The following SMG5 variants were observed in gnomAD, a reference collection of about 807,000 sequenced individuals.
SMG5 encodes SMG5 nonsense mediated mRNA decay factor.
Under a neutral mutation model 122.9 loss-of-function variants are expected in SMG5, and 53 were observed. That is an observed-to-expected ratio of 0.43 (90% CI 0.35 to 0.54). SMG5 has a LOEUF of 0.54. Among genes scored for constraint, SMG5 ranks in the 20% least tolerant of loss-of-function variants. The pLI, the probability that SMG5 is intolerant of heterozygous loss-of-function variation, is 0.01. For synonymous variants in SMG5, 477 were observed against 490.2 expected (o/e 0.97, Z 0.35); for missense variants, 1,153 against 1,285.6 (o/e 0.90, Z 1.58).
At chr1:156,256,080 T>C (rs1203199524) in intron 16 of SMG5, among the ~76,000 whole-genome samples, 3 of 152,086 alleles carry the variant, frequency 2.0e-5, no homozygotes, top group African/African-American at 4.8e-5. Context: ...CAGTCAAACA[T>C]ACTGTGGGTC....
At chr1:156,256,709 G>A (rs1661592781) in intron 16 of SMG5, among the ~76,000 whole-genome samples, 1 of 151,966 alleles carries the variant, frequency 6.6e-6, no homozygotes, top group Admixed American at 6.6e-5. Context: ...TCCTCAGAGG[G>A]AAAGCCTACC....
chr1:156,258,869 G>C lies in SMG5; in HGVS notation c.2442+136C>G, dbSNP rs777543369. On this transcript the variant is annotated intron_variant, in intron 16 of 21. Transcript: ENST00000361813. Reference sequence around the variant, plus strand: ...TAGTCCTTCCCAGGCCTCCCTCCCAGCCTCCCCTCCCCTCTCCCTAGGCAT... The same window carrying C: ...TAGTCCTTCCCAGGCCTCCCTCCCACCCTCCCCTCCCCTCTCCCTAGGCAT... The C allele has an allele frequency of 3.7e-4, 385 of 1,048,646 alleles. 2 individuals are homozygous for C. The highest frequency in any genetic ancestry group is 1.2e-3 in the Middle Eastern group (5 of 4,136). 65.0% of individuals were successfully genotyped at this position (1,048,646 alleles called of 1,614,324 possible).
rs769867523 is a variant in SMG5, at chr1:156,282,706, C to A, written c.-26G>T. 2 of 1,581,524 alleles carry A rather than the reference C, an allele frequency of 1.3e-6. No homozygotes were observed. Among genetic ancestry groups the A allele is most frequent in the East Asian group, 2.3e-5 (1 of 43,840 alleles). ...GGTGCCCGGGTCCGGGGGCAGCTCC[C>A]GGTCACAGGCCCCTGCCACCCACCA... On this transcript the variant is annotated 5_prime_UTR_variant, in exon 1 of 22. Transcript: ENST00000361813.
intron 1 of SMG5, among the ~76,000 whole-genome samples, chr1:156,281,838 T>C (rs1291579426): frequency 6.6e-6 from 1 of 152,204 alleles, no homozygotes; most frequent in Non-Finnish European, 1.5e-5. Flanking sequence ...TTCGGGCCTG[T>C]TGCCAACAGA....
chr1:156,271,510 G>A (rs191373509), intron 7 of SMG5, among the ~76,000 whole-genome samples: 12 of 150,508 alleles, frequency 8.0e-5, no homozygotes, highest in East Asian at 5.8e-4. Context: ...TGGTTACAGC[G>A]ACTTGTATGG....
intron 3 of SMG5, 133 bp downstream of exon 3, chr1:156,277,792 A>G (rs1434159112): frequency 8.4e-6 from 10 of 1,194,942 alleles, no homozygotes; most frequent in Admixed American, 5.6e-5. Flanking sequence ...GATTACACGC[A>G]TGAGCCACCG....
chr1:156,271,566 G>GTTTTT (rs755111375), intron 7 of SMG5, among the ~76,000 whole-genome samples: 33 of 82,302 alleles, frequency 4.0e-4, no homozygotes, highest in East Asian at 8.2e-4. Flanking sequence ...CCCTGAAGAG[G>GTTTTT]TTTTTTTTTT....
intron 16 of SMG5, among the ~76,000 whole-genome samples, chr1:156,256,066 A>C (rs1474922685): frequency 6.6e-6 from 1 of 152,234 alleles, no homozygotes; most frequent in East Asian, 1.9e-4. Context: ...CTAAGGATAC[A>C]TGACAGTCAA....
chr1:156,262,498 A>G (rs1316834391), intron 13 of SMG5, among the ~76,000 whole-genome samples: 2 of 150,596 alleles, frequency 1.3e-5, no homozygotes, highest in South Asian at 2.1e-4. Context: ...AAAAAAAAAA[A>G]GGAGAAAGCA....
At chr1:156,285,349 C>G (rs758029131), upstream of SMG5, 4 of 1,572,530 alleles carry the variant, frequency 2.5e-6, no homozygotes, top group Non-Finnish European at 3.4e-6. Flanking sequence ...GGGCCGAATC[C>G]CCGGGAGCTG....
intron 12 of SMG5, among the ~76,000 whole-genome samples, chr1:156,264,299 A>ACTTTTAAT (rs1662015683): frequency 7.2e-6 from 1 of 139,512 alleles, no homozygotes; most frequent in African/African-American, 2.6e-5. Flanking sequence ...AAAAAGAGTT[A>ACTTTTAAT]CTTTTAATTC....
At chr1:156,251,224 G>A in intron 20 of SMG5, 179 bp downstream of exon 20, 6 of 922,274 alleles carry the variant, frequency 6.5e-6, no homozygotes, top group Non-Finnish European at 1.0e-5. Context: ...ATCTGCAGAG[G>A]AAAAGCTCAG....
At chr1:156,251,561 G>GGCCT (rs1661358576) in intron 19 of SMG5, 84 bp from the exon 20 acceptor site, 1 of 1,433,318 alleles carries the variant, frequency 7.0e-7, no homozygotes, top group African/African-American at 1.4e-5. Context: ...TGGCTCTGGG[G>GGCCT]GCCTGGTTTT....
At chr1:156,263,323 G>C (rs945169987) in intron 13 of SMG5, 72 bp downstream of exon 13, 5 of 1,511,304 alleles carry the variant, frequency 3.3e-6, no homozygotes, top group Non-Finnish European at 4.5e-6. Context: ...GGGATCCTCA[G>C]GCCCCATCCT....
upstream of SMG5, chr1:156,285,785 G>C (rs750962203): frequency 4.3e-5 from 69 of 1,613,466 alleles, no homozygotes; most frequent in Admixed American, 1.1e-3. Flanking sequence ...CTGTTCCTGT[G>C]GGGGCTGCGG....
intron 4 of SMG5, among the ~76,000 whole-genome samples, chr1:156,275,158 C>T (rs1009596855): frequency 1.1e-5 from 1 of 92,002 alleles, no homozygotes; most frequent in Non-Finnish European, 2.4e-5. Flanking sequence ...AAAGCAAAAA[C>T]AACGACAACA....
At chr1:156,265,714 C>T in intron 12 of SMG5, 67 bp downstream of exon 12, 1 of 1,554,910 alleles carries the variant, frequency 6.4e-7, no homozygotes, top group Non-Finnish European at 8.7e-7. Flanking sequence ...AGGAAAGCGG[C>T]CTCTCTGGTG....
At chr1:156,264,219 G>T (rs1572582616) in intron 12 of SMG5, among the ~76,000 whole-genome samples, 1 of 118,012 alleles carries the variant, frequency 8.5e-6, no homozygotes, top group South Asian at 2.9e-4. Flanking sequence ...AGTGAGCCGA[G>T]ATTGCACCAC....
intron 7 of SMG5, among the ~76,000 whole-genome samples, chr1:156,270,869 T>C (rs1188972597): frequency 6.6e-6 from 1 of 152,006 alleles, no homozygotes; most frequent in Non-Finnish European, 1.5e-5. Flanking sequence ...TAGCCAGGCG[T>C]TGTGGTGCAT....
Sources: gnomAD v4.1 joint callset for allele counts (sites outside exome capture counted in the v4.1 genomes callset) on GRCh38, gnomAD v4.1.1 for gene constraint, MANE v1.5 for transcripts, NCBI Gene and HGNC (gene_info 2026-07-23, HGNC 2026-07-21) for gene names.